PIEZO2: variants seen among roughly 807,000 people sequenced by gnomAD.
PIEZO2 encodes the protein piezo-type mechanosensitive ion channel component 2.
Under a neutral mutation model 337.3 loss-of-function variants are expected in PIEZO2, and 172 were observed. That is an observed-to-expected ratio of 0.51 (90% confidence interval 0.45 to 0.58). The LOEUF is 0.58. Among genes scored for constraint, PIEZO2 ranks in the 20% least tolerant of loss-of-function variants. The pLI is 0.00. For synonymous variants in PIEZO2, 1,251 were observed against 1,228.5 expected, an observed-to-expected ratio of 1.02 and a Z score of -0.38; for missense variants, 3,028 against 3,391.3, an observed-to-expected ratio of 0.89 and a Z score of 2.66.
chr18:10,977,048 CCTGT>C (rs2034472374), intron 3 of PIEZO2, among the ~76,000 whole-genome samples: 1 of 111,784 alleles, frequency 8.9e-6, no homozygotes, highest in Admixed American at 8.9e-5. Flanking sequence ...TGTAAGCTTG[CCTGT>C]CTGTCTATAC....
Position 11,032,075 on chromosome 18 carries a change from C to A in PIEZO2, c.160+34052G>T, listed in dbSNP as rs775448851. On this transcript the variant is annotated intron_variant, in intron 2 of 55. Coordinates refer to ENST00000674853, the MANE Select transcript of PIEZO2 (RefSeq NM_001378183.1). This position sits in a 1 kb window ranked among gnomAD's most constrained non-coding sequence, Gnocchi z 4.9. ...TGACAAGAGCTACCATTTTTCAGGA[C>A]CTGCCATGTACCAAAGCGTGTGCTA... Among the ~76,000 whole-genome samples, 2 of 152,162 alleles carry A rather than the reference C, an allele frequency of 1.3e-5. No homozygotes were observed. Among genetic ancestry groups the A allele is most frequent in the African/African-American group, 2.4e-5 (1 of 41,430 alleles).
Position 10,807,151 on chromosome 18 carries a change from A to G in PIEZO2, c.1041T>C (p.Thr347=). The G allele has an allele frequency of 6.5e-7, 1 of 1,537,112 alleles. No homozygotes were observed. The highest frequency in any genetic ancestry group is 8.7e-7 in the Non-Finnish European group (1 of 1,146,828). The part of the protein sequence containing the change: ...NPILLLVMYY[T]LATLIRIWLQ... ...GCCAGATGCGGATCAGAGTGGCCAG[A>G]GTGTAGTACATCACCAGCAGGAGGA... Residue 347 remains threonine (T), a synonymous_variant, in exon 8 of 56, where the codon ACT becomes ACC. Transcript: ENST00000674853.
rs1370619266 is a variant in PIEZO2, at chr18:10,847,061, G to A, written c.917+8292C>T. 6.6e-6 allele frequency among the ~76,000 whole-genome samples: 1 copy of A among 152,166 alleles called. No homozygotes were observed. The highest frequency in any genetic ancestry group is 1.5e-5 in the Non-Finnish European group (1 of 68,028). On this transcript the variant is annotated intron_variant, in intron 7 of 55. Coordinates refer to ENST00000674853, the MANE Select transcript of PIEZO2 (RefSeq NM_001378183.1). The surrounding 1 kb of genome is among the most constrained non-coding windows in gnomAD (Gnocchi z 5.7). ...GGAAACAGAGGTACAGAGAGTTTTAGTAAAGTTCTGCTAGGTGCTCTGCCT... is the reference window on the plus strand; with the variant it reads ...GGAAACAGAGGTACAGAGAGTTTTAATAAAGTTCTGCTAGGTGCTCTGCCT...
chr18:10,725,042 C>G (rs1051764033), intron 36 of PIEZO2: 12 of 1,576,286 alleles, frequency 7.6e-6, no homozygotes, highest in Non-Finnish European at 1.0e-5. Context: ...ATGTTGGTGG[C>G]CCTGCGGCCA....
In PIEZO2 at chr18:10,702,597, A is replaced by G. The variant is rs1300597615; in HGVS notation, c.6259-426T>C. Among the ~76,000 whole-genome samples, 3 of 152,260 alleles carry G rather than the reference A, an allele frequency of 2.0e-5. No homozygotes were observed. The East Asian group carries it at 5.8e-4, about 29-fold the overall frequency. ...TTTAATTCGCAATCTATAGGAGCATATCACACGGTTAGGATGTATGTAGTT... is the reference window on the plus strand; with the variant it reads ...TTTAATTCGCAATCTATAGGAGCATGTCACACGGTTAGGATGTATGTAGTT... On this transcript the variant is annotated intron_variant, in intron 42 of 55. Coordinates refer to ENST00000674853, the MANE Select transcript of PIEZO2 (RefSeq NM_001378183.1).
chr18:11,036,781 G>A (rs2036936382), intron 2 of PIEZO2, among the ~76,000 whole-genome samples: 1 of 152,072 alleles, frequency 6.6e-6, no homozygotes, highest in Non-Finnish European at 1.5e-5. Context: ...CCTTGATACT[G>A]AATTATTCTC....
At chr18:11,106,832 A>G (rs2039583075) in intron 1 of PIEZO2, among the ~76,000 whole-genome samples, 1 of 144,852 alleles carries the variant, frequency 6.9e-6, no homozygotes, top group South Asian at 2.6e-4. Context: ...ATGGCTTGGG[A>G]CTGTTTTTTG....
chr18:11,063,489 G>A (rs892294337), intron 2 of PIEZO2, among the ~76,000 whole-genome samples: 5 of 152,080 alleles, frequency 3.3e-5, no homozygotes, highest in Non-Finnish European at 7.4e-5. Flanking sequence ...TAAGTTATGA[G>A]ACTAATATTC....
chr18:11,025,467 T>C (rs997537694), intron 2 of PIEZO2, among the ~76,000 whole-genome samples: 2 of 152,106 alleles, frequency 1.3e-5, no homozygotes, highest in African/African-American at 4.8e-5. Flanking sequence ...CAAATGGTCT[T>C]CCCAGTTAGT....
At position 10,824,672 on chromosome 18, in the gene PIEZO2, T is replaced by A. The variant is rs2040616823; in HGVS notation, c.918-17398A>T. Among the ~76,000 whole-genome samples the A allele has an allele frequency of 6.6e-6, 1 of 152,178 alleles. No homozygotes were observed. Among genetic ancestry groups the A allele is most frequent in the Admixed American group, 6.5e-5 (1 of 15,280 alleles). ...GATATATTTCAAGTGTTTTTTTAAATTTTAGAACAATTTTAAATTTACAGA... is the reference window on the plus strand; with the variant it reads ...GATATATTTCAAGTGTTTTTTTAAAATTTAGAACAATTTTAAATTTACAGA... On this transcript the variant is annotated intron_variant, in intron 7 of 55. Coordinates refer to ENST00000674853, the MANE Select transcript of PIEZO2 (RefSeq NM_001378183.1). The surrounding 1 kb of genome is among the most constrained non-coding windows in gnomAD (Gnocchi z 4.4).
intron 2 of PIEZO2, among the ~76,000 whole-genome samples, chr18:11,024,390 C>CA (rs2036448303): frequency 2.0e-5 from 3 of 151,488 alleles, no homozygotes. Flanking sequence ...CTAAAAAATA[C>CA]AAAAAATTAG....
At position 11,003,824 on chromosome 18, in the gene PIEZO2, T is replaced by C. The variant is rs889654834; in HGVS notation, c.161-24164A>G. 1.3e-5 allele frequency among the ~76,000 whole-genome samples: 2 copies of C among 152,194 alleles called. No individual in the cohort carries two copies. Among genetic ancestry groups the C allele is most frequent in the African/African-American group, 4.8e-5 (2 of 41,456 alleles). On this transcript the variant is annotated intron_variant, in intron 2 of 55. Transcript: ENST00000674853. This position sits in a 1 kb window ranked among gnomAD's most constrained non-coding sequence, Gnocchi z 4.6. ...AGCAAACTCCACATGGGGGTGGACC[T>C]GGAAACAAAGTGATTTTTTCCCCTC...
At chr18:10,804,254 A>T (rs1443036751) in intron 8 of PIEZO2, among the ~76,000 whole-genome samples, 1 of 152,242 alleles carries the variant, frequency 6.6e-6, no homozygotes, top group Non-Finnish European at 1.5e-5. Flanking sequence ...AAATATCCAC[A>T]GCTTTTCCAC....
chr18:10,755,467 G>A (rs2037800754), intron 27 of PIEZO2, among the ~76,000 whole-genome samples: 1 of 152,204 alleles, frequency 6.6e-6, no homozygotes, highest in Non-Finnish European at 1.5e-5. Context: ...GGGCAGCTGA[G>A]TGGAATGTTA....
intron 44 of PIEZO2, among the ~76,000 whole-genome samples, chr18:10,698,479 CGTT>C (rs2035195963): frequency 6.6e-6 from 1 of 152,160 alleles, no homozygotes; most frequent in Admixed American, 6.5e-5. Flanking sequence ...TGATTGTACT[CGTT>C]GTTTGGGAAA....
chr18:11,091,080 T>A (rs898166778), intron 1 of PIEZO2, among the ~76,000 whole-genome samples: 2 of 152,100 alleles, frequency 1.3e-5, no homozygotes, highest in African/African-American at 4.8e-5. Context: ...TAACCTCTGT[T>A]TGAAATTTAA....
intron 3 of PIEZO2, among the ~76,000 whole-genome samples, chr18:10,949,213 C>G (rs1014819945): frequency 6.6e-6 from 1 of 152,002 alleles, no homozygotes; most frequent in African/African-American, 2.4e-5. Flanking sequence ...ATTTTTTTCT[C>G]ATTTCCTGCC....
chr18:11,052,090 T>A (rs2145854849), intron 2 of PIEZO2, among the ~76,000 whole-genome samples: 1 of 152,358 alleles, frequency 6.6e-6, no homozygotes, highest in East Asian at 1.9e-4. Context: ...TAATTTTTTT[T>A]TTTCATTTCA....
At chr18:10,902,365 G>A (rs2043072209) in intron 4 of PIEZO2, among the ~76,000 whole-genome samples, 1 of 152,198 alleles carries the variant, frequency 6.6e-6, no homozygotes, top group African/African-American at 2.4e-5. Flanking sequence ...CAGAGGGCAT[G>A]AAGGAACATT....
Sources: gnomAD v4.1 joint callset for allele counts (sites outside exome capture counted in the v4.1 genomes callset) on GRCh38, gnomAD v4.1.1 for gene constraint, Gnocchi (gnomAD v3.1) non-coding constraint, MANE v1.5 for transcripts, NCBI Gene and HGNC (gene_info 2026-07-23, HGNC 2026-07-21) for gene names.